The following ARHGAP42 variants were observed in gnomAD, a reference collection of about 807,000 sequenced individuals.
ARHGAP42 encodes rho GTPase-activating protein 42.
In ARHGAP42, 63 loss-of-function variants were observed where a neutral mutation model predicts 125.0. The ratio of observed to expected loss-of-function variants is 0.50; its 90% CI spans 0.41 to 0.62. The LOEUF is 0.62. Ranked by LOEUF, ARHGAP42 falls within the 20% of genes least tolerant of loss-of-function variation. The pLI, the probability that ARHGAP42 is intolerant of heterozygous loss-of-function variation, is 0.00. For synonymous variants in ARHGAP42, 339 were observed against 351.0 expected, an observed-to-expected ratio of 0.97 and a Z score of 0.38; for missense variants, 766 against 1,024.2, an observed-to-expected ratio of 0.75 and a Z score of 3.44.
intron 4 of ARHGAP42, among the ~76,000 whole-genome samples, chr11:100,913,183 A>G (rs1565272970): frequency 6.6e-6 from 1 of 152,104 alleles, no homozygotes; most frequent in African/African-American, 2.4e-5. Flanking sequence ...CTACAGTTCC[A>G]TTTACTCCAA....
chr11:100,966,719 A>T (rs1018772101), intron 17 of ARHGAP42, among the ~76,000 whole-genome samples: 2 of 152,276 alleles, frequency 1.3e-5, no homozygotes, highest in African/African-American at 2.4e-5. Context: ...TATAAATATT[A>T]TATCTATCTA....
chr11:100,977,243 G>A (rs1400116385), intron 21 of ARHGAP42, among the ~76,000 whole-genome samples: 1 of 152,162 alleles, frequency 6.6e-6, no homozygotes, highest in Non-Finnish European at 1.5e-5. Context: ...GAAAACTGAT[G>A]TATAATACAG....
At chr11:100,731,829 T>G (rs1022698596) in intron 1 of ARHGAP42, among the ~76,000 whole-genome samples, 1 of 152,232 alleles carries the variant, frequency 6.6e-6, no homozygotes, top group Admixed American at 6.5e-5. Flanking sequence ...AAAAGTAGCT[T>G]TCACACAGAG....
chr11:100,721,908 T>C (rs4753982), intron 1 of ARHGAP42, among the ~76,000 whole-genome samples: 70,952 of 152,062 alleles, frequency 0.47, 17,364 homozygotes, highest in African/African-American at 0.63. Context: ...TTATAAAAAT[T>C]TGTGAGCAGA....
chr11:100,752,905 T>C (rs945905023), intron 1 of ARHGAP42, among the ~76,000 whole-genome samples: 1 of 152,208 alleles, frequency 6.6e-6, no homozygotes, highest in Non-Finnish European at 1.5e-5. Flanking sequence ...TCTGTGTTGG[T>C]TGGCTTCCAG....
At chr11:100,936,925 G>T (rs1323334899) in intron 8 of ARHGAP42, among the ~76,000 whole-genome samples, 1 of 152,186 alleles carries the variant, frequency 6.6e-6, no homozygotes, top group African/African-American at 2.4e-5. Flanking sequence ...TCATTAAGTG[G>T]AATTAGTTGG....
intron 1 of ARHGAP42, among the ~76,000 whole-genome samples, chr11:100,723,244 A>G (rs1861797350): frequency 6.6e-6 from 1 of 152,066 alleles, no homozygotes; most frequent in East Asian, 1.9e-4. Context: ...TTCTTCTTCA[A>G]TACTGTTGCT....
At chr11:100,729,066 G>C (rs1265592427) in intron 1 of ARHGAP42, among the ~76,000 whole-genome samples, 1 of 150,376 alleles carries the variant, frequency 6.6e-6, no homozygotes, top group Non-Finnish European at 1.5e-5. Flanking sequence ...ACTGCACGCA[G>C]CCTCTGTCTC....
Position 100,990,084 on chromosome 11 carries a change from C to T in ARHGAP42, c.*1283C>T, listed in dbSNP as rs891677619. On this transcript the variant is annotated 3_prime_UTR_variant, in exon 24 of 24. Coordinates refer to ENST00000298815, the MANE Select transcript of ARHGAP42 (RefSeq NM_152432.4). The stretch of plus-strand genomic sequence containing the variant: ...ATATATATCAGCATCTGGTCATGCA[C>T]GAACCATTAATTCTATATTTCTATT... 9 of 152,046 alleles carry T rather than the reference C, an allele frequency of 5.9e-5. No individual in the cohort carries two copies. The highest frequency in any genetic ancestry group is 1.7e-4 in the African/African-American group (7 of 41,412). The allele number at this position is 152,046 out of a possible 1,614,324, so 9.4% of individuals were successfully genotyped here.
intron 23 of ARHGAP42, among the ~76,000 whole-genome samples, chr11:100,988,189 G>T (rs1441898309): frequency 6.6e-6 from 1 of 151,854 alleles, no homozygotes; most frequent in African/African-American, 2.4e-5. Context: ...GCATTTGTGT[G>T]TATGTACCTG....
chr11:100,799,276 C>T (rs1471780520), intron 3 of ARHGAP42, among the ~76,000 whole-genome samples: 1 of 152,154 alleles, frequency 6.6e-6, no homozygotes, highest in Non-Finnish European at 1.5e-5. Context: ...GAAACATTAG[C>T]CTACATGGGT....
intron 4 of ARHGAP42, among the ~76,000 whole-genome samples, chr11:100,897,878 T>C (rs748398256): frequency 2.0e-5 from 3 of 152,160 alleles, no homozygotes; most frequent in Non-Finnish European, 2.9e-5. Context: ...CAACACTATG[T>C]TGAATAGGAG....
intron 7 of ARHGAP42, among the ~76,000 whole-genome samples, chr11:100,935,240 G>C (rs1047393849): frequency 1.3e-5 from 2 of 151,998 alleles, no homozygotes; most frequent in Non-Finnish European, 2.9e-5. Context: ...GGTATTCATA[G>C]AGAAAAGTCT....
intron 2 of ARHGAP42, among the ~76,000 whole-genome samples, chr11:100,772,276 G>A (rs1211336333): frequency 2.0e-5 from 3 of 152,202 alleles, no homozygotes; most frequent in African/African-American, 7.2e-5. Flanking sequence ...ATTCACAAGA[G>A]CTCCTTTTGG....
rs141927259 is a variant in ARHGAP42, at chr11:100,825,541, G to A, written c.312+30375G>A. Among the ~76,000 whole-genome samples the A allele has an allele frequency of 1.2e-4, 18 of 152,266 alleles. No homozygotes were observed. The East Asian group carries it at 1.3e-3, about 11-fold the overall frequency. On this transcript the variant is annotated intron_variant, in intron 3 of 23. Transcript: ENST00000298815. ...CATTCATTTAATGCTTAATTTGTAC[G>A]TGAAGAATATTTGGATATTGGCATC...
chr11:100,881,669 C>G (rs564552116), intron 4 of ARHGAP42, among the ~76,000 whole-genome samples: 40 of 152,170 alleles, frequency 2.6e-4, no homozygotes, highest in African/African-American at 5.3e-4. Context: ...GCTTTTGGCA[C>G]TATGGTCACT....
chr11:100,785,698 G>A (rs942297014), intron 2 of ARHGAP42, among the ~76,000 whole-genome samples: 12 of 152,130 alleles, frequency 7.9e-5, no homozygotes, highest in African/African-American at 2.9e-4. Context: ...AGTGCGAGGT[G>A]TAAGTGGTTG....
At chr11:100,792,006 C>G (rs898349908) in intron 2 of ARHGAP42, among the ~76,000 whole-genome samples, 1 of 152,138 alleles carries the variant, frequency 6.6e-6, no homozygotes, top group Non-Finnish European at 1.5e-5. Context: ...GACAACTTCA[C>G]GATTTGCTCT....
At chr11:100,986,804 T>C (rs1312015271) in intron 22 of ARHGAP42, among the ~76,000 whole-genome samples, 5 of 152,090 alleles carry the variant, frequency 3.3e-5, no homozygotes, top group African/African-American at 9.7e-5. Flanking sequence ...TCAAATATTT[T>C]TGGATCATAT....
Sources: allele counts gnomAD v4.1 joint callset (sites outside exome capture counted in the v4.1 genomes callset), GRCh38; gene constraint gnomAD v4.1.1; transcripts MANE v1.5; gene names NCBI Gene and HGNC (gene_info 2026-07-23, HGNC 2026-07-21).